The following FAM117B variants were observed in gnomAD, a reference collection of about 807,000 sequenced individuals.
FAM117B encodes the protein family with sequence similarity 117 member B, also known as protein FAM117B.
FAM117B carries 22 observed loss-of-function variants against 52.8 expected under a neutral mutation model. The observed-to-expected ratio is 0.42, with a 90% CI of 0.30 to 0.59. The LOEUF is 0.59. FAM117B is among the 20% of genes least tolerant of loss of function. FAM117B has a pLI of 0.22. For missense variants in FAM117B, 678 were observed against 802.6 expected (o/e 0.84, Z 1.88); for synonymous variants, 309 against 324.1 (o/e 0.95, Z 0.50).
chr2:202,726,448 C>A, intron 4 of FAM117B, 85 bp downstream of exon 4: 1 of 879,988 alleles, frequency 1.1e-6, no homozygotes, highest in Non-Finnish European at 1.8e-6. Flanking sequence ...TTGTTTAGGA[C>A]AAAAATGCTC....
intron 2 of FAM117B, among the ~76,000 whole-genome samples, chr2:202,721,841 C>G (rs970913500): frequency 6.6e-6 from 1 of 151,892 alleles, no homozygotes; most frequent in East Asian, 1.9e-4. Flanking sequence ...CCTGTGTTCC[C>G]CAGGCTGGTC....
intron 4 of FAM117B, among the ~76,000 whole-genome samples, chr2:202,744,345 C>G (rs1164337991): frequency 6.6e-6 from 1 of 152,204 alleles, no homozygotes; most frequent in African/African-American, 2.4e-5. Context: ...GAGATAGAGG[C>G]ATGGTGCCAG....
chr2:202,700,886 G>T (rs1416004225), intron 2 of FAM117B, among the ~76,000 whole-genome samples: 1 of 152,120 alleles, frequency 6.6e-6, no homozygotes, highest in Non-Finnish European at 1.5e-5. Context: ...TTTTTGTAGA[G>T]ACAGGATCTT....
intron 4 of FAM117B, among the ~76,000 whole-genome samples, chr2:202,750,231 G>C (rs2118801): frequency 0.76 from 114,948 of 152,072 alleles, 44,266 homozygotes; most frequent in East Asian, 0.83. Flanking sequence ...TTACTGCTGA[G>C]TGGGCACAGT....
rs182856132 is a variant in FAM117B, at chr2:202,639,000, T to C, written c.601+3212T>C. The stretch of plus-strand genomic sequence containing the variant: ...ACAAAACTACGATGAAATCATTTGC[T>C]GTTTTTATCTGACTAAATCTGGAAG... On this transcript the variant is annotated intron_variant, in intron 1 of 7. Coordinates refer to ENST00000392238, the MANE Select transcript of FAM117B (RefSeq NM_173511.4). Among the ~76,000 whole-genome samples, 30 of 152,362 alleles carry C rather than the reference T, an allele frequency of 2.0e-4. No individual in the cohort carries two copies. The East Asian group carries it at 4.2e-3, about 22-fold the overall frequency.
chr2:202,731,425 T>C (rs1355802367), intron 4 of FAM117B, among the ~76,000 whole-genome samples: 1 of 146,932 alleles, frequency 6.8e-6, no homozygotes, highest in Non-Finnish European at 1.5e-5. Context: ...TATTTATTTT[T>C]ATTTTATTTT....
chr2:202,683,656 A>T (rs1690495649), intron 1 of FAM117B, among the ~76,000 whole-genome samples: 1 of 152,232 alleles, frequency 6.6e-6, no homozygotes, highest in Admixed American at 6.5e-5. Context: ...CTATTTAAAA[A>T]TTCTTAATTT....
chr2:202,674,739 T>C (rs1232306243), intron 1 of FAM117B, among the ~76,000 whole-genome samples: 1 of 152,248 alleles, frequency 6.6e-6, no homozygotes, highest in East Asian at 1.9e-4. Context: ...CTAATTGTCA[T>C]TTCCCTTACT....
intron 1 of FAM117B, among the ~76,000 whole-genome samples, chr2:202,662,636 A>C (rs1690147331): frequency 6.6e-6 from 1 of 152,068 alleles, no homozygotes; most frequent in Non-Finnish European, 1.5e-5. Flanking sequence ...AGGTCAAGAG[A>C]TCGAGACCAT....
chr2:202,689,274 C>G (rs954597409), intron 1 of FAM117B, among the ~76,000 whole-genome samples: 1 of 151,976 alleles, frequency 6.6e-6, no homozygotes, highest in African/African-American at 2.4e-5. Flanking sequence ...AACCCCATCT[C>G]TACCTAATAT....
intron 4 of FAM117B, among the ~76,000 whole-genome samples, chr2:202,733,424 C>G (rs562750424): frequency 7.2e-5 from 11 of 152,238 alleles, no homozygotes; most frequent in African/African-American, 2.6e-4. Flanking sequence ...CCTAATAAGC[C>G]TGAGGGTACT....
chr2:202,723,140 G>C (rs1691179519), intron 2 of FAM117B, among the ~76,000 whole-genome samples: 1 of 152,168 alleles, frequency 6.6e-6, no homozygotes, highest in African/African-American at 2.4e-5. Flanking sequence ...TTTTGATTCA[G>C]TGTATTTAAG....
intron 4 of FAM117B, among the ~76,000 whole-genome samples, chr2:202,747,598 A>G (rs1691653651): frequency 6.6e-6 from 1 of 152,184 alleles, no homozygotes; most frequent in Non-Finnish European, 1.5e-5. Context: ...AAATGAATTT[A>G]CTAAAGTCGC....
rs190866898 is a variant in FAM117B, at chr2:202,648,084, T to C, written c.601+12296T>C. Among the ~76,000 whole-genome samples the C allele has an allele frequency of 1.1e-3, 168 of 152,270 alleles. 2 individuals carry two copies. Among genetic ancestry groups the C allele is most frequent in the Admixed American group, 0.011 (168 of 15,278 alleles). ...TTCTTTGCAGGCAATAATGTGCACATGATAAAAATTATAAATGGTAAGGAG... is the reference window on the plus strand; with the variant it reads ...TTCTTTGCAGGCAATAATGTGCACACGATAAAAATTATAAATGGTAAGGAG... On this transcript the variant is annotated intron_variant, in intron 1 of 7. Coordinates refer to ENST00000392238, the MANE Select transcript of FAM117B (RefSeq NM_173511.4).
Position 202,636,559 on chromosome 2 carries a change from T to A in FAM117B, c.601+771T>A, listed in dbSNP as rs553734405. Reference sequence around the variant, plus strand: ...AAGCTTTCTTGGGGAAGGTCCTGAATGGAGCTGTTGGGTGCCAATGGAGTC... The same window carrying A: ...AAGCTTTCTTGGGGAAGGTCCTGAAAGGAGCTGTTGGGTGCCAATGGAGTC... On this transcript the variant is annotated intron_variant, in intron 1 of 7. Transcript: ENST00000392238. Among the ~76,000 whole-genome samples the A allele has an allele frequency of 7.9e-5, 12 of 152,324 alleles. 1 individual carries two copies. The South Asian group carries it at 2.5e-3, about 32-fold the overall frequency.
At chr2:202,681,990 A>G (rs1690469549) in intron 1 of FAM117B, among the ~76,000 whole-genome samples, 1 of 152,194 alleles carries the variant, frequency 6.6e-6, no homozygotes, top group Non-Finnish European at 1.5e-5. Flanking sequence ...GCAGCTGGAC[A>G]TTGGAGACTA....
chr2:202,752,354 C>CT (rs1463585113), intron 4 of FAM117B, among the ~76,000 whole-genome samples: 1 of 150,806 alleles, frequency 6.6e-6, no homozygotes, highest in Non-Finnish European at 1.5e-5. Context: ...TCCCCTTGGC[C>CT]TTTTTTAATC....
At chr2:202,666,105 G>A (rs1403986249) in intron 1 of FAM117B, among the ~76,000 whole-genome samples, 2 of 152,170 alleles carry the variant, frequency 1.3e-5, no homozygotes, top group African/African-American at 2.4e-5. Context: ...TGCAATTTGT[G>A]TCTGCATAGT....
chr2:202,656,908 C>T (rs1257793768), intron 1 of FAM117B, among the ~76,000 whole-genome samples: 3 of 151,930 alleles, frequency 2.0e-5, no homozygotes, highest in African/African-American at 4.8e-5. Flanking sequence ...GGTGAATTGA[C>T]CATTTTACTG....
Sources: gnomAD v4.1 joint callset for allele counts (sites outside exome capture counted in the v4.1 genomes callset) on GRCh38, gnomAD v4.1.1 for gene constraint, MANE v1.5 for transcripts, NCBI Gene and HGNC (gene_info 2026-07-23, HGNC 2026-07-21) for gene names.